EXD3: variants seen among roughly 807,000 people sequenced by gnomAD.
EXD3 encodes the protein exonuclease 3'-5' domain containing 3.
A neutral mutation model predicts 98.0 loss-of-function variants in EXD3; 92 were observed. The ratio of observed to expected loss-of-function variants is 0.94; its 90% CI spans 0.79 to 1.12. The LOEUF (loss-of-function observed/expected upper bound fraction) is 1.12. Among genes scored for constraint, EXD3 ranks in the 50% most tolerant of loss-of-function variants. EXD3 has a pLI of 0.00. For synonymous variants in EXD3, 569 were observed against 526.0 expected (o/e 1.08, Z -1.12); for missense variants, 1,222 against 1,191.6 (o/e 1.03, Z -0.38).
intron 2 of EXD3, among the ~76,000 whole-genome samples, chr9:137,387,669 C>A (rs1836674024): frequency 6.6e-6 from 1 of 152,206 alleles, no homozygotes; most frequent in Admixed American, 6.5e-5. Flanking sequence ...CTCAGGGATA[C>A]CACGCAGGGG....
chr9:137,356,410 T>G, intron 7 of EXD3, 42 bp from the exon 8 acceptor site: 1 of 1,237,638 alleles, frequency 8.1e-7, no homozygotes, highest in South Asian at 1.3e-5. Context: ...CTGTTTTAAG[T>G]TAATACATTT....
chr9:137,343,573 A>ATATTTTTTTTTTTT (rs1564493044), intron 17 of EXD3: 1 of 22,550 alleles, frequency 4.4e-5, no homozygotes, highest in Non-Finnish European at 8.8e-5. Flanking sequence ...GGACTACTGT[A>ATATTTTTTTTTTTT]TCTTTTTTTT....
rs954869918 is a variant in EXD3, at chr9:137,341,114, A to G, written c.1998+6957T>C. ...GAGGGTCGCTCGAGGCCAGGAGTTCAAGACCAGCCTGGACAACATAGCGAG... is the reference window on the plus strand; with the variant it reads ...GAGGGTCGCTCGAGGCCAGGAGTTCGAGACCAGCCTGGACAACATAGCGAG... On this transcript the variant is annotated intron_variant, in intron 17 of 21. Coordinates refer to ENST00000340951, the MANE Select transcript of EXD3 (RefSeq NM_017820.5). Among the ~76,000 whole-genome samples the G allele has an allele frequency of 3.9e-5, 6 of 152,162 alleles. No homozygotes were observed. The East Asian group carries it at 9.6e-4, about 24-fold the overall frequency.
chr9:137,418,677 T>G (rs541927502), intron 1 of EXD3, among the ~76,000 whole-genome samples: 12 of 152,278 alleles, frequency 7.9e-5, no homozygotes, highest in Middle Eastern at 3.4e-3. Flanking sequence ...GTACGTGAGA[T>G]GTATAAGAAA....
intron 19 of EXD3, among the ~76,000 whole-genome samples, chr9:137,315,572 C>G (rs913598523): frequency 6.6e-6 from 1 of 152,088 alleles, no homozygotes; most frequent in South Asian, 2.1e-4. Flanking sequence ...GCCGAGGCCC[C>G]GGCACCGGGT....
At chr9:137,420,737 A>ACC (rs34647307) in intron 1 of EXD3, among the ~76,000 whole-genome samples, 8,573 of 112,164 alleles carry the variant, frequency 0.076, 741 homozygotes, top group African/African-American at 0.12. Flanking sequence ...ACAGACATTC[A>ACC]CCCCCCCCCC....
At chr9:137,315,835 G>A (rs1020692605) in intron 19 of EXD3, among the ~76,000 whole-genome samples, 1 of 151,780 alleles carries the variant, frequency 6.6e-6, no homozygotes. Flanking sequence ...GCTCCCACCT[G>A]CCTTGGGTCA....
In EXD3 at chr9:137,347,520, T is replaced by C. The variant is rs1325262075; in HGVS notation, c.1998+551A>G. Reference sequence around the variant, plus strand: ...GTGCAGTGGCGTGATCTCAGCTCACTGTAACCTCTGCCTCCGGTGTTTAAG... The same window carrying C: ...GTGCAGTGGCGTGATCTCAGCTCACCGTAACCTCTGCCTCCGGTGTTTAAG... On this transcript the variant is annotated intron_variant, in intron 17 of 21. Coordinates refer to ENST00000340951, the MANE Select transcript of EXD3 (RefSeq NM_017820.5). This position sits in a 1 kb window ranked among gnomAD's most constrained non-coding sequence, Gnocchi z 4.2. Among the ~76,000 whole-genome samples, 2 of 152,190 alleles carry C rather than the reference T, an allele frequency of 1.3e-5. No homozygotes were observed. Among genetic ancestry groups the C allele is most frequent in the African/African-American group, 2.4e-5 (1 of 41,526 alleles).
intron 1 of EXD3, among the ~76,000 whole-genome samples, chr9:137,396,190 A>T (rs1163440989): frequency 6.6e-6 from 1 of 150,710 alleles, no homozygotes; most frequent in East Asian, 2.0e-4. Context: ...CTGGTATCGA[A>T]CTCCTGACCT....
intron 19 of EXD3, among the ~76,000 whole-genome samples, chr9:137,314,862 C>T (rs559299004): frequency 1.1e-4 from 17 of 152,292 alleles, no homozygotes; most frequent in Non-Finnish European, 2.2e-4. Flanking sequence ...CGTGAGTCTC[C>T]GGAGGCCGGG....
chr9:137,312,832 C>T (rs1831438532), intron 19 of EXD3, among the ~76,000 whole-genome samples: 1 of 152,152 alleles, frequency 6.6e-6, no homozygotes, highest in Non-Finnish European at 1.5e-5. Flanking sequence ...GGAGCGACCA[C>T]AGCTGAAGGG....
At chr9:137,412,901 C>A (rs957365771) in intron 1 of EXD3, among the ~76,000 whole-genome samples, 10 of 151,940 alleles carry the variant, frequency 6.6e-5, no homozygotes, top group Non-Finnish European at 1.3e-4. Context: ...CCTCAGCCTC[C>A]TGAGTAGCTG....
At chr9:137,388,534 G>A (rs1836729465) in intron 2 of EXD3, among the ~76,000 whole-genome samples, 2 of 152,118 alleles carry the variant, frequency 1.3e-5, no homozygotes, top group African/African-American at 2.4e-5. Flanking sequence ...ACCATAAAGC[G>A]GGGATGAGAA....
In EXD3 at chr9:137,366,597, G is replaced by C; in HGVS notation, c.552C>G (p.Ala184=). Reference sequence around the variant, plus strand: ...AGCCGGCCACATAGCGCTCCACGAGGGCCACCTTGTCCTGGAGGAGCAGTG... The same window carrying C: ...AGCCGGCCACATAGCGCTCCACGAGCGCCACCTTGTCCTGGAGGAGCAGTG... ...SIPLLLQDKV[A]LVERYVAGFP... is the part of the protein sequence containing the mutation. The change falls in exon 7 of 22, where the codon GCC becomes GCG. Residue 184 remains alanine (A), a synonymous_variant. Coordinates refer to ENST00000340951, the MANE Select transcript of EXD3 (RefSeq NM_017820.5). 6.4e-7 allele frequency: 1 copy of C among 1,556,214 alleles called. No individual in the cohort carries two copies. The highest frequency in any genetic ancestry group is 8.7e-7 in the Non-Finnish European group (1 of 1,150,898).
At chr9:137,366,726 A>T (rs1835279908) in intron 6 of EXD3, 94 bp from the exon 7 acceptor site, 4 of 1,457,518 alleles carry the variant, frequency 2.7e-6, no homozygotes, top group Non-Finnish European at 3.7e-6. Context: ...AAGTGTCAGA[A>T]CGAAAGGGGC....
chr9:137,307,217 G>T lies in EXD3; in HGVS notation c.2364C>A (p.Pro788=), dbSNP rs765336040. The change falls in exon 22 of 22, where the codon CCC becomes CCA. Residue 788 remains proline (P), a synonymous_variant. Coordinates refer to ENST00000340951, the MANE Select transcript of EXD3 (RefSeq NM_017820.5). The part of the protein sequence containing the change: ...AAPEGCTYDR[P]CRWLQMADLR... ...GGTCAGCCATCTGCAGCCAGCGGCA[G>T]GGGCGGTCATAGGTGCAGCCCTCAG... 6.3e-7 allele frequency: 1 copy of T among 1,575,440 alleles called. No individual in the cohort carries two copies. Among genetic ancestry groups the T allele is most frequent in the Non-Finnish European group, 8.6e-7 (1 of 1,160,818 alleles).
At chr9:137,410,684 G>C (rs994497966) in intron 1 of EXD3, among the ~76,000 whole-genome samples, 1 of 152,154 alleles carries the variant, frequency 6.6e-6, no homozygotes, top group African/African-American at 2.4e-5. Context: ...CTACCCACAC[G>C]GGGCAGAACT....
intron 17 of EXD3, among the ~76,000 whole-genome samples, chr9:137,330,259 C>T (rs1226297281): frequency 7.3e-5 from 10 of 137,728 alleles, no homozygotes; most frequent in African/African-American, 2.6e-4. Flanking sequence ...CACAGGGCTC[C>T]ACAGGAGCTA....
intron 1 of EXD3, among the ~76,000 whole-genome samples, chr9:137,411,240 C>G (rs773848940): frequency 6.6e-6 from 1 of 152,160 alleles, no homozygotes; most frequent in Non-Finnish European, 1.5e-5. Flanking sequence ...CCCAGAAAGG[C>G]TCATCTTCAC....
Sources: allele counts gnomAD v4.1 joint callset (sites outside exome capture counted in the v4.1 genomes callset), GRCh38; gene constraint gnomAD v4.1.1; non-coding constraint Gnocchi (gnomAD v3.1); transcripts MANE v1.5; gene names NCBI Gene and HGNC (gene_info 2026-07-23, HGNC 2026-07-21).